The following ATRIP variants were observed in gnomAD, a reference collection of about 807,000 sequenced individuals.
ATRIP encodes ATR-interacting protein.
A neutral mutation model predicts 78.1 loss-of-function variants in ATRIP; 44 were observed. The observed-to-expected ratio is 0.56, with a 90% CI of 0.44 to 0.72. The LOEUF is 0.72. Among genes scored for constraint, ATRIP ranks in the 30% least tolerant of loss-of-function variants. The probability of loss-of-function intolerance (pLI) is 0.00; values close to 1 mark genes in which losing one functional copy is unlikely to be tolerated. For synonymous variants in ATRIP, 388 were observed against 408.9 expected (o/e 0.95, Z 0.62); for missense variants, 927 against 980.2 (o/e 0.95, Z 0.72).
At position 48,467,283 on chromosome 3, in the gene ATRIP, T is replaced by C. The variant is rs770775387; in HGVS notation, c.*1729T>C. On this transcript the variant is annotated 3_prime_UTR_variant, in exon 13 of 13. Transcript: ENST00000320211. Reference sequence around the variant, plus strand: ...CCTGGCCCTGCTCAGCATCTGTCAGTGGAGACCACAGGCCCTGCTGCGGTG... The same window carrying C: ...CCTGGCCCTGCTCAGCATCTGTCAGCGGAGACCACAGGCCCTGCTGCGGTG... 3 of 1,614,018 alleles carry C rather than the reference T, an allele frequency of 1.9e-6. No individual in the cohort carries two copies. The African/African-American group carries it at 4.0e-5, about 22-fold the overall frequency.
chr3:48,457,122 A>T, intron 4 of ATRIP, 137 bp from the exon 5 acceptor site: 1 of 634,258 alleles, frequency 1.6e-6, no homozygotes, highest in Non-Finnish European at 2.3e-6. Context: ...AAAGAATGGT[A>T]GACATATAAT....
intron 4 of ATRIP, 142 bp downstream of exon 4, chr3:48,454,560 G>A: frequency 5.0e-6 from 3 of 602,640 alleles, no homozygotes; most frequent in Non-Finnish European, 8.8e-6. Context: ...GGATTCAGAG[G>A]TGGTTTAGAT....
At chr3:48,464,200 T>G (rs896061977) in intron 10 of ATRIP, 68 bp downstream of exon 10, 1 of 1,337,876 alleles carries the variant, frequency 7.5e-7, no homozygotes, top group Admixed American at 1.8e-5. Flanking sequence ...GAATCTCCTT[T>G]CTTTCCGCTG....
intron 1 of ATRIP, chr3:48,447,357 T>G (rs1575271164): frequency 1.8e-6 from 2 of 1,141,478 alleles, no homozygotes; most frequent in African/African-American, 3.2e-5. Flanking sequence ...GGCCACTTGG[T>G]TCTTGGTTCT....
At chr3:48,454,540 T>C in intron 4 of ATRIP, 122 bp downstream of exon 4, 1 of 652,976 alleles carries the variant, frequency 1.5e-6, no homozygotes, top group Non-Finnish European at 2.7e-6. Flanking sequence ...AGAGATCCTC[T>C]TTTCCTGAAG....
chr3:48,446,885 G>A lies in ATRIP; in HGVS notation c.40G>A (p.Glu14Lys), dbSNP rs773872853. ...CGCGCCAGGCAGCAAGAGGCGGAGC[G>A]AGCCCCCGGCGCCTCGCCCCGGCCC... ...TSAPGSKRRS[E>K]PPAPRPGPPP... Residue 14 changes from glutamate (E) to lysine (K), a missense_variant, in exon 1 of 13, where the codon GAG becomes AAG. Coordinates refer to ENST00000320211, the MANE Select transcript of ATRIP (RefSeq NM_130384.3). The A allele has an allele frequency of 1.4e-6, 2 of 1,398,556 alleles. No individual in the cohort carries two copies. Among genetic ancestry groups the A allele is most frequent in the Non-Finnish European group, 1.9e-6 (2 of 1,079,366 alleles). The allele number at this position is 1,398,556 out of a possible 1,614,324, so 86.6% of individuals were successfully genotyped here. A position where few individuals can be genotyped will look rare whatever the true frequency, so the allele number is the denominator to read the frequency against.
In ATRIP at chr3:48,467,012, G is replaced by A. The variant is rs747399274; in HGVS notation, c.*1458G>A. On this transcript the variant is annotated 3_prime_UTR_variant, in exon 13 of 13. Transcript: ENST00000320211. ...TCCTGCGGCGCCAGCCACAGCCCTG[G>A]TGCCTGGTGGCACACAATGGTGACC... is the stretch of plus-strand genomic sequence containing the variant. 3.7e-6 allele frequency: 6 copies of A among 1,613,770 alleles called. No individual in the cohort carries two copies. The highest frequency in any genetic ancestry group is 1.3e-5 in the African/African-American group (1 of 74,940).
At chr3:48,464,482 C>T in intron 10 of ATRIP, 100 bp from the exon 11 acceptor site, 1 of 1,299,818 alleles carries the variant, frequency 7.7e-7, no homozygotes, top group Non-Finnish European at 1.1e-6. Flanking sequence ...TGCAGACAAA[C>T]AGTTGCTGAA....
chr3:48,452,903 G>C (rs944204537), intron 3 of ATRIP, among the ~76,000 whole-genome samples: 36 of 139,840 alleles, frequency 2.6e-4, no homozygotes, highest in Non-Finnish European at 4.4e-4. Context: ...TTTGAGACAG[G>C]GTCCAGGGTT....
intron 1 of ATRIP, among the ~76,000 whole-genome samples, chr3:48,449,770 C>CAAAAAAA (rs779657943): frequency 4.6e-5 from 2 of 43,316 alleles, no homozygotes; most frequent in African/African-American, 7.7e-5. Flanking sequence ...TACTAAAATC[C>CAAAAAAA]AAAAAAAAAA....
intron 10 of ATRIP, 88 bp from the exon 11 acceptor site, chr3:48,464,494 C>A: frequency 7.2e-7 from 1 of 1,381,888 alleles, no homozygotes; most frequent in Non-Finnish European, 1.0e-6. Context: ...GTTGCTGAAG[C>A]AAGTGAACTC....
rs1478272681 is a variant in ATRIP at position 48,460,812 on chromosome 3, A to G, written c.1745+13A>G. ...ATTTCTTGCCCAGGTATTAAGCTGC[A>G]TAGGAGTCATGATTCTTTGTGGGTC... On this transcript the variant is annotated intron_variant, in intron 8 of 12. Coordinates refer to ENST00000320211, the MANE Select transcript of ATRIP (RefSeq NM_130384.3). 1.9e-6 allele frequency: 3 copies of G among 1,576,944 alleles called. No homozygotes were observed. The highest frequency in any genetic ancestry group is 2.6e-6 in the Non-Finnish European group (3 of 1,155,426).
chr3:48,453,916 C>CT (rs1282631597), intron 3 of ATRIP, among the ~76,000 whole-genome samples: 3 of 151,802 alleles, frequency 2.0e-5, no homozygotes, highest in South Asian at 2.1e-4. Context: ...GTATTTAATT[C>CT]TTTTTTTTAT....
chr3:48,452,060 T>C (rs1044000196), intron 3 of ATRIP, among the ~76,000 whole-genome samples, 161 bp downstream of exon 3: 1 of 152,236 alleles, frequency 6.6e-6, no homozygotes, highest in Non-Finnish European at 1.5e-5. Flanking sequence ...GGTCTGGATA[T>C]ATTTTGGAAA....
intron 7 of ATRIP, 45 bp from the exon 8 acceptor site, chr3:48,460,061 CTTAT>C: frequency 1.9e-6 from 3 of 1,571,636 alleles, no homozygotes; most frequent in Non-Finnish European, 2.6e-6. Flanking sequence ...GGCTCTTGAC[CTTAT>C]CTCCATCCCA....
chr3:48,447,092 A>C lies in ATRIP; in HGVS notation c.247A>C (p.Ser83Arg). The part of the protein sequence containing the change: ...QCPAAARDVS[S>R]DHKVHRLLDG... ...TCCGGCCGCGGCTCGGGACGTGTCCAGTGAGTGCTCCTCGCGGCCTTTTGC... is the reference window on the plus strand; with the variant it reads ...TCCGGCCGCGGCTCGGGACGTGTCCCGTGAGTGCTCCTCGCGGCCTTTTGC... Residue 83 changes from serine to arginine, a missense_variant and splice_region_variant, in exon 1 of 13, where the codon AGT becomes CGT. Transcript: ENST00000320211. 2 of 1,531,026 alleles carry C rather than the reference A, an allele frequency of 1.3e-6. No individual in the cohort carries two copies. Among genetic ancestry groups the C allele is most frequent in the Non-Finnish European group, 1.8e-6 (2 of 1,139,718 alleles). 94.8% of individuals were successfully genotyped at this position (1,531,026 alleles called of 1,614,324 possible). A position where few individuals can be genotyped will look rare whatever the true frequency, so the allele number is the denominator to read the frequency against.
intron 5 of ATRIP, among the ~76,000 whole-genome samples, chr3:48,459,115 T>C (rs955262109): frequency 1.5e-4 from 23 of 152,220 alleles, no homozygotes; most frequent in African/African-American, 5.5e-4. Context: ...GTGGTCACTG[T>C]TTTATCTAAT....
chr3:48,465,344 T>G, intron 12 of ATRIP, 143 bp from the exon 13 acceptor site: 1 of 915,968 alleles, frequency 1.1e-6, no homozygotes, highest in Non-Finnish European at 1.7e-6. Flanking sequence ...TTGTATCACT[T>G]TGTTTGCAGT....
chr3:48,447,010 C>A lies in ATRIP; in HGVS notation c.165C>A (p.Phe55Leu). 1.3e-6 allele frequency: 2 copies of A among 1,581,508 alleles called. No individual in the cohort carries two copies. The highest frequency in any genetic ancestry group is 1.7e-6 in the Non-Finnish European group (2 of 1,166,752). ...PDDPFGAHGDFTADDLEELDT... is the reference protein window; with the variant it reads ...PDDPFGAHGDLTADDLEELDT... ...ACCCGTTCGGCGCGCATGGGGACTT[C>A]ACTGCCGACGACCTGGAGGAGCTTG... The change falls in exon 1 of 13, where the codon TTC becomes TTA. Residue 55 changes from phenylalanine (F) to leucine (L), a missense_variant. Transcript: ENST00000320211.
Sources: allele counts gnomAD v4.1 joint callset (sites outside exome capture counted in the v4.1 genomes callset), GRCh38; gene constraint gnomAD v4.1.1; transcripts MANE v1.5; gene names NCBI Gene and HGNC (gene_info 2026-07-23, HGNC 2026-07-21).